The following NSDHL variants were observed in gnomAD, a reference collection of about 807,000 sequenced individuals.
NSDHL encodes sterol-4-alpha-carboxylate 3-dehydrogenase, decarboxylating.
In NSDHL, 1 loss-of-function variant was observed where a neutral mutation model predicts 23.0. The observed-to-expected ratio is 0.04, with a 90% CI of 0.02 to 0.21. The LOEUF is 0.21. Ranked by LOEUF, NSDHL falls within the 10% of genes least tolerant of loss-of-function variation. The pLI is 1.00. For missense variants in NSDHL, 237 were observed against 300.9 expected, an observed-to-expected ratio of 0.79 and a Z score of 1.57; for synonymous variants, 128 against 121.1, an observed-to-expected ratio of 1.06 and a Z score of -0.37.
intron 3 of NSDHL, among the ~76,000 whole-genome samples, chrX:152,851,724 C>T (rs1450551542): frequency 5.4e-5 from 6 of 110,678 alleles, no homozygotes; most frequent in South Asian, 7.8e-4. Context: ...ACCCCGACAC[C>T]GTTCCCTCCT....
At chrX:152,834,157 G>A (rs1256346639) in intron 1 of NSDHL, among the ~76,000 whole-genome samples, 1 of 112,164 alleles carries the variant, frequency 8.9e-6, no homozygotes, top group Non-Finnish European at 1.9e-5. Flanking sequence ...GCAGAAACAG[G>A]TGCTGTGGAA....
At chrX:152,863,387 C>T (rs1933557622) in intron 5 of NSDHL, among the ~76,000 whole-genome samples, 1 of 111,465 alleles carries the variant, frequency 9.0e-6, no homozygotes, top group Admixed American at 9.5e-5. Flanking sequence ...ACAGAGCTTA[C>T]AGCCCACCCT....
intron 5 of NSDHL, among the ~76,000 whole-genome samples, chrX:152,863,158 G>A (rs782208008): frequency 1.3e-4 from 14 of 108,607 alleles, no homozygotes; most frequent in African/African-American, 2.1e-4. Context: ...AGAGAGAGAC[G>A]CTGTCTCCCA....
rs145640978 is a variant in NSDHL, at chrX:152,857,493, A to G, written c.268-1277A>G. On this transcript the variant is annotated intron_variant, in intron 3 of 7. Transcript: ENST00000370274. ...ATCTTGAGGAAACAGACTAATCCAA[A>G]CTGAAGGACAGTCTATAAAATAACC... is the stretch of plus-strand genomic sequence containing the variant. Among the ~76,000 whole-genome samples, 44 of 111,968 alleles carry G rather than the reference A, an allele frequency of 3.9e-4. No homozygotes were observed. The East Asian group carries it at 0.012, about 31-fold the overall frequency.
chrX:152,834,265 G>C (rs1464863059), intron 1 of NSDHL, among the ~76,000 whole-genome samples: 2 of 112,973 alleles, frequency 1.8e-5, no homozygotes, highest in African/African-American at 6.4e-5. Context: ...GGAGAGGAGA[G>C]AGAAGGTATT....
intron 3 of NSDHL, among the ~76,000 whole-genome samples, chrX:152,857,038 A>G (rs1458081804): frequency 1.8e-5 from 2 of 112,520 alleles, no homozygotes; most frequent in South Asian, 3.7e-4. Context: ...GAGCGAGACA[A>G]TGTCTCAAAA....
chrX:152,856,795 G>A (rs916926337), intron 3 of NSDHL, among the ~76,000 whole-genome samples: 3 of 112,979 alleles, frequency 2.7e-5, no homozygotes, highest in East Asian at 2.8e-4. Flanking sequence ...CAGGGCTAGC[G>A]CCTGCAATGC....
At chrX:152,844,233 T>G (rs1933237579) in intron 1 of NSDHL, among the ~76,000 whole-genome samples, 1 of 112,403 alleles carries the variant, frequency 8.9e-6, no homozygotes. Context: ...CAAGCTCAGT[T>G]CTTTTAAATA....
intron 1 of NSDHL, among the ~76,000 whole-genome samples, chrX:152,845,922 C>T (rs1276362766): frequency 8.9e-6 from 1 of 112,666 alleles, no homozygotes; most frequent in African/African-American, 3.2e-5. Context: ...CCCTAATGAG[C>T]ACCACAGGGG....
chrX:152,850,313 A>C lies in NSDHL; in HGVS notation c.157A>C (p.Met53Leu). The C allele has an allele frequency of 8.3e-7, 1 of 1,209,983 alleles. No individual in the cohort carries two copies. Among genetic ancestry groups the C allele is most frequent in the Middle Eastern group, 2.3e-4 (1 of 4,340 alleles). Residue 53 changes from methionine to leucine, a missense_variant, in exon 3 of 8, where the codon ATG becomes CTG. Physicochemically the swap from Met to Leu is conservative, Grantham distance 15. Coordinates refer to ENST00000370274, the MANE Select transcript of NSDHL (RefSeq NM_015922.3). ...TGGCTCTGGATTCCTGGGGCAGCAC[A>C]TGGTGGAGCAGTTGCTGGCAAGAGG... ...IGGSGFLGQH[M>L]VEQLLARGYA... is the part of the protein sequence containing the mutation.
rs977633375 is a variant in NSDHL, at chrX:152,869,261, C to T, written c.*145C>T. The T allele has an allele frequency of 5.4e-5, 29 of 536,566 alleles. No homozygotes were observed. Among genetic ancestry groups the T allele is most frequent in the African/African-American group, 2.1e-4 (9 of 43,895 alleles). The allele number at this position is 536,566 out of a possible 1,213,427, so 44.2% of individuals were successfully genotyped here. The stretch of plus-strand genomic sequence containing the variant: ...GGCAGAGAGCGCACCCTACTCTTTC[C>T]GTGACGATGAGGGCGGCAAAAACAG... On this transcript the variant is annotated 3_prime_UTR_variant, in exon 8 of 8. Transcript: ENST00000370274.
intron 3 of NSDHL, among the ~76,000 whole-genome samples, chrX:152,855,294 G>A (rs782342810): frequency 3.7e-4 from 41 of 111,476 alleles, no homozygotes; most frequent in African/African-American, 7.5e-4. Context: ...CGTTGCCACC[G>A]CGCCCGGCCC....
intron 3 of NSDHL, among the ~76,000 whole-genome samples, chrX:152,853,307 A>G (rs1439612884): frequency 9.1e-6 from 1 of 110,108 alleles, no homozygotes; most frequent in Admixed American, 9.7e-5. Context: ...CTCTATCTCC[A>G]TAAATGGCCT....
chrX:152,833,067 A>G (rs1933038628), intron 1 of NSDHL, among the ~76,000 whole-genome samples: 1 of 111,184 alleles, frequency 9.0e-6, no homozygotes, highest in African/African-American at 3.3e-5. Context: ...AGTGAATAGT[A>G]AATATATTTT....
At chrX:152,844,903 T>C (rs1933247628) in intron 1 of NSDHL, among the ~76,000 whole-genome samples, 1 of 111,930 alleles carries the variant, frequency 8.9e-6, no homozygotes, top group African/African-American at 3.3e-5. Flanking sequence ...TAGATACACA[T>C]TGAGTCCCAG....
At chrX:152,868,494 C>T (rs1277299789) in intron 7 of NSDHL, among the ~76,000 whole-genome samples, 1 of 112,282 alleles carries the variant, frequency 8.9e-6, no homozygotes, top group African/African-American at 3.2e-5. Context: ...ATGAGGAATT[C>T]ATTGCATCCA....
intron 1 of NSDHL, among the ~76,000 whole-genome samples, chrX:152,843,036 A>G (rs1311163905): frequency 1.8e-5 from 2 of 112,113 alleles, no homozygotes; most frequent in Non-Finnish European, 3.8e-5. Flanking sequence ...CAAAATTCTT[A>G]TCTGACTCAT....
At chrX:152,832,331 T>C (rs1933026961) in intron 1 of NSDHL, among the ~76,000 whole-genome samples, 1 of 112,146 alleles carries the variant, frequency 8.9e-6, no homozygotes, top group East Asian at 2.8e-4. Context: ...TTGTTGTCCC[T>C]CCACTAGAAG....
At chrX:152,868,553 A>G (rs1479038030) in intron 7 of NSDHL, among the ~76,000 whole-genome samples, 1 of 112,803 alleles carries the variant, frequency 8.9e-6, no homozygotes, top group African/African-American at 3.2e-5. Flanking sequence ...CAAATTAACA[A>G]ATGTGCCTTT....
Sources: gnomAD v4.1 joint callset for allele counts (sites outside exome capture counted in the v4.1 genomes callset) on GRCh38, gnomAD v4.1.1 for gene constraint, MANE v1.5 for transcripts, NCBI Gene and HGNC (gene_info 2026-07-23, HGNC 2026-07-21) for gene names.